Variants in MAP4K3 observed in about 807,000 individuals in gnomAD.
MAP4K3 encodes mitogen-activated protein kinase kinase kinase kinase 3, also known as MAPK/ERK kinase kinase kinase 3.
Under a neutral mutation model 143.5 loss-of-function variants are expected in MAP4K3, and 94 were observed. That is an observed-to-expected ratio of 0.65 (90% confidence interval 0.55 to 0.78). MAP4K3 has a LOEUF of 0.78. MAP4K3 is among the 30% of genes least tolerant of loss of function. MAP4K3 has a pLI of 0.00. For synonymous variants in MAP4K3, 416 were observed against 347.2 expected, an observed-to-expected ratio of 1.20 and a Z score of -2.20; for missense variants, 1,077 against 1,068.1, an observed-to-expected ratio of 1.01 and a Z score of -0.12.
chr2:39,295,266 T>C (rs983182313), intron 16 of MAP4K3, among the ~76,000 whole-genome samples: 1 of 152,052 alleles, frequency 6.6e-6, no homozygotes, highest in African/African-American at 2.4e-5. Context: ...AGCTGGCATT[T>C]GAGTTGGTCC....
At chr2:39,425,315 G>C (rs995885764) in intron 1 of MAP4K3, among the ~76,000 whole-genome samples, 3 of 152,124 alleles carry the variant, frequency 2.0e-5, no homozygotes, top group African/African-American at 7.2e-5. Context: ...TATGCAACAA[G>C]AATACAAAGA....
Position 39,278,768 on chromosome 2 carries a change from G to A in MAP4K3, c.1715-282C>T, listed in dbSNP as rs559586294. 4.9e-4 allele frequency among the ~76,000 whole-genome samples: 75 copies of A among 152,234 alleles called. 1 individual carries two copies. In the South Asian group the frequency reaches 0.012, roughly 24 times the overall value. ...CAGAGAATGCTAAGAACTGGCAAAGGATCTGCAGCTCCTTTTTCTAAAACC... is the reference window on the plus strand; with the variant it reads ...CAGAGAATGCTAAGAACTGGCAAAGAATCTGCAGCTCCTTTTTCTAAAACC... On this transcript the variant is annotated intron_variant, in intron 23 of 33. Coordinates refer to ENST00000263881, the MANE Select transcript of MAP4K3 (RefSeq NM_003618.4).
chr2:39,333,961 T>TTTTGTG lies in MAP4K3; in HGVS notation c.415-388_415-387insCACAAA, dbSNP rs368226942. On this transcript the variant is annotated intron_variant, in intron 6 of 33. Coordinates refer to ENST00000263881, the MANE Select transcript of MAP4K3 (RefSeq NM_003618.4). ...TAAACTTGATTATTGTTTCCCATTT[T>TTTTGTG]TGTGTGTGTGTGTGTGTGTGTGTGT... Among the ~76,000 whole-genome samples, 7 of 144,144 alleles carry TTTTGTG rather than the reference T, an allele frequency of 4.9e-5. No individual in the cohort carries two copies. In the South Asian group the frequency reaches 6.9e-4, roughly 14 times the overall value. The allele number at this position is 144,144 out of a possible 152,430, so 94.6% of individuals were successfully genotyped here.
At chr2:39,275,356 T>C (rs916557759) in intron 24 of MAP4K3, among the ~76,000 whole-genome samples, 3 of 152,136 alleles carry the variant, frequency 2.0e-5, no homozygotes, top group Non-Finnish European at 2.9e-5. Flanking sequence ...CATTGTGGCA[T>C]GTGGCTGTAG....
intron 28 of MAP4K3, 66 bp from the exon 29 acceptor site, chr2:39,260,843 C>G (rs867454159): frequency 1.8e-6 from 2 of 1,098,736 alleles, no homozygotes; most frequent in African/African-American, 3.2e-5. Flanking sequence ...TATGAGAATA[C>G]TATAAAACAG....
intron 3 of MAP4K3, among the ~76,000 whole-genome samples, chr2:39,344,120 A>G (rs1393228230): frequency 6.6e-6 from 1 of 152,240 alleles, no homozygotes. Flanking sequence ...GCTCTAATGC[A>G]GAAGAAAGAT....
At chr2:39,368,147 C>A (rs1408493725) in intron 2 of MAP4K3, among the ~76,000 whole-genome samples, 3 of 152,104 alleles carry the variant, frequency 2.0e-5, no homozygotes, top group African/African-American at 7.2e-5. Context: ...TAGTGAAAAT[C>A]CTCTGGAGTA....
intron 1 of MAP4K3, among the ~76,000 whole-genome samples, chr2:39,429,766 T>A (rs1382018445): frequency 2.0e-5 from 3 of 152,202 alleles, no homozygotes; most frequent in Non-Finnish European, 4.4e-5. Context: ...AAAACCATTT[T>A]GAAAAGGTAG....
chr2:39,416,899 A>G (rs866236305), intron 1 of MAP4K3, among the ~76,000 whole-genome samples: 30 of 152,356 alleles, frequency 2.0e-4, no homozygotes, highest in East Asian at 1.4e-3. Context: ...GCCTTGGGAA[A>G]AAAACTACAA....
At chr2:39,399,098 T>C (rs1358067934) in intron 1 of MAP4K3, among the ~76,000 whole-genome samples, 2 of 142,230 alleles carry the variant, frequency 1.4e-5, no homozygotes, top group Non-Finnish European at 3.1e-5. Flanking sequence ...AGAAATGCAA[T>C]CACACTTATC....
At chr2:39,332,011 A>G in intron 7 of MAP4K3, 22 bp from the exon 8 acceptor site, 1 of 1,388,044 alleles carries the variant, frequency 7.2e-7, no homozygotes, top group Non-Finnish European at 9.9e-7. Context: ...AATGAGAAAC[A>G]TTTAGGAAAC....
At chr2:39,431,243 TG>T (rs1403808945) in intron 1 of MAP4K3, among the ~76,000 whole-genome samples, 1 of 152,198 alleles carries the variant, frequency 6.6e-6, no homozygotes, top group East Asian at 1.9e-4. Flanking sequence ...TGAGAGTTGC[TG>T]GGACATGTAG....
At chr2:39,383,719 A>G (rs1196642632) in intron 1 of MAP4K3, among the ~76,000 whole-genome samples, 1 of 152,154 alleles carries the variant, frequency 6.6e-6, no homozygotes, top group African/African-American at 2.4e-5. Flanking sequence ...TTAATATACC[A>G]ATAAACCCTG....
chr2:39,400,972 G>C (rs771720154), intron 1 of MAP4K3, among the ~76,000 whole-genome samples: 2 of 151,910 alleles, frequency 1.3e-5, no homozygotes, highest in East Asian at 1.9e-4. Context: ...ATAAATACAA[G>C]AATCACTGTA....
Position 39,432,055 on chromosome 2 carries a change from C to A in MAP4K3, c.96+4837G>T, listed in dbSNP as rs148501119. Among the ~76,000 whole-genome samples the A allele has an allele frequency of 4.1e-4, 62 of 152,280 alleles. 1 individual carries two copies. In the East Asian group the frequency reaches 0.012, roughly 29 times the overall value. ...AGGTTCTGATCTCAAACTATGACAG[C>A]TAATAGCAGGTACACATTTTATGTT... On this transcript the variant is annotated intron_variant, in intron 1 of 33. Transcript: ENST00000263881.
chr2:39,433,795 T>C (rs1665367068), intron 1 of MAP4K3, among the ~76,000 whole-genome samples: 2 of 152,158 alleles, frequency 1.3e-5, no homozygotes, highest in South Asian at 4.1e-4. Context: ...ACACGACACT[T>C]ACAAGATACG....
chr2:39,343,557 A>T, intron 3 of MAP4K3, 105 bp from the exon 4 acceptor site: 2 of 778,958 alleles, frequency 2.6e-6, no homozygotes, highest in Non-Finnish European at 4.3e-6. Context: ...AAAACAACAA[A>T]TGCAATGTGT....
At chr2:39,324,658 T>C (rs1296426792) in intron 12 of MAP4K3, among the ~76,000 whole-genome samples, 1 of 152,156 alleles carries the variant, frequency 6.6e-6, no homozygotes, top group African/African-American at 2.4e-5. Flanking sequence ...AAATTTACAA[T>C]ATTTTTAAGG....
chr2:39,397,551 T>C (rs965934070), intron 1 of MAP4K3, among the ~76,000 whole-genome samples: 4 of 152,200 alleles, frequency 2.6e-5, no homozygotes, highest in Admixed American at 2.0e-4. Flanking sequence ...CTTCTTAAGA[T>C]ATTAAAATTC....
Sources: allele counts gnomAD v4.1 joint callset (sites outside exome capture counted in the v4.1 genomes callset), GRCh38; gene constraint gnomAD v4.1.1; transcripts MANE v1.5; gene names NCBI Gene and HGNC (gene_info 2026-07-23, HGNC 2026-07-21).